WWOX: variants seen among roughly 807,000 people sequenced by gnomAD.
The protein encoded by WWOX is WW domain containing oxidoreductase.
In WWOX, 69 loss-of-function variants were observed where a neutral mutation model predicts 46.2. That is an observed-to-expected ratio of 1.49 (90% CI 1.23 to 1.82). The LOEUF (loss-of-function observed/expected upper bound fraction) is 1.82. WWOX is among the 40% of genes most tolerant of loss of function. The pLI is 0.00. For synonymous variants in WWOX, 359 were observed against 202.6 expected (o/e 1.77, Z -6.56); for missense variants, 919 against 542.6 (o/e 1.69, Z -6.89).
chr16:78,949,118 G>A (rs1379456464), intron 8 of WWOX, among the ~76,000 whole-genome samples: 2 of 152,146 alleles, frequency 1.3e-5, no homozygotes, highest in African/African-American at 4.8e-5. Context: ...TTCTGCAACT[G>A]CATGGAGCTG....
intron 8 of WWOX, among the ~76,000 whole-genome samples, chr16:78,591,938 G>A (rs1181296489): frequency 1.3e-5 from 2 of 152,168 alleles, no homozygotes; most frequent in Admixed American, 1.3e-4. Context: ...GCGCTCAAGC[G>A]ACCATAACCA....
chr16:78,242,468 C>T (rs910799229), intron 5 of WWOX, among the ~76,000 whole-genome samples: 1 of 152,208 alleles, frequency 6.6e-6, no homozygotes, highest in African/African-American at 2.4e-5. Flanking sequence ...ATAATTCTCT[C>T]TCCACACATT....
intron 8 of WWOX, among the ~76,000 whole-genome samples, chr16:78,505,400 C>G (rs530997819): frequency 6.6e-6 from 1 of 152,166 alleles, no homozygotes; most frequent in South Asian, 2.1e-4. Context: ...GAGTGGGGCT[C>G]AGGACACTCT....
At position 78,821,021 on chromosome 16, in the gene WWOX, T is replaced by C. The variant is rs2051479127; in HGVS notation, c.1056+388269T>C. 2.0e-5 allele frequency among the ~76,000 whole-genome samples: 3 copies of C among 152,176 alleles called. No homozygotes were observed. In the South Asian group the frequency reaches 6.2e-4, roughly 32 times the overall value. On this transcript the variant is annotated intron_variant, in intron 8 of 8. Transcript: ENST00000566780. ...TTGAGTATGATCTCATCTCATTCCTTATCTTAATTACATTTGCAAAGACCC... is the reference window on the plus strand; with the variant it reads ...TTGAGTATGATCTCATCTCATTCCTCATCTTAATTACATTTGCAAAGACCC...
rs79280386 is a variant in WWOX, at chr16:78,936,352, C to G, written c.1057-275256C>G. 5.0e-3 allele frequency among the ~76,000 whole-genome samples: 754 copies of G among 152,256 alleles called. 9 individuals are homozygous for G. Among genetic ancestry groups the G allele is most frequent in the African/African-American group, 0.017 (700 of 41,548 alleles). On this transcript the variant is annotated intron_variant, in intron 8 of 8. Coordinates refer to ENST00000566780, the MANE Select transcript of WWOX (RefSeq NM_016373.4). ...TTCCCTGGACTTATCTGGAATGACTCTGAACCTTTTGAAGACCCCAAAACT... is the reference window on the plus strand; with the variant it reads ...TTCCCTGGACTTATCTGGAATGACTGTGAACCTTTTGAAGACCCCAAAACT...
At chr16:78,617,369 C>G (rs1318325321) in intron 8 of WWOX, among the ~76,000 whole-genome samples, 2 of 150,716 alleles carry the variant, frequency 1.3e-5, no homozygotes, top group East Asian at 3.9e-4. Context: ...ACCACTGCAC[C>G]CCAGCCTGGG....
chr16:78,835,626 T>C (rs1480786060), intron 8 of WWOX, among the ~76,000 whole-genome samples: 1 of 152,202 alleles, frequency 6.6e-6, no homozygotes, highest in East Asian at 1.9e-4. Flanking sequence ...GAATGTGTTT[T>C]ATAGAGTAGG....
intron 8 of WWOX, among the ~76,000 whole-genome samples, chr16:78,847,068 C>A (rs993480090): frequency 6.6e-6 from 1 of 152,176 alleles, no homozygotes; most frequent in African/African-American, 2.4e-5. Flanking sequence ...TGAGCACTTT[C>A]TTATTTTTTG....
chr16:79,097,633 A>C (rs147739403), intron 8 of WWOX, among the ~76,000 whole-genome samples: 2 of 152,072 alleles, frequency 1.3e-5, no homozygotes, highest in South Asian at 4.1e-4. Flanking sequence ...TCAACATCGT[A>C]CTCCAAAGGG....
At chr16:79,021,119 A>G (rs2047524071) in intron 8 of WWOX, among the ~76,000 whole-genome samples, 1 of 152,206 alleles carries the variant, frequency 6.6e-6, no homozygotes, top group Non-Finnish European at 1.5e-5. Context: ...CTTGGCCAGT[A>G]CAAGGCCATT....
At chr16:78,865,871 C>T (rs1347511037) in intron 8 of WWOX, among the ~76,000 whole-genome samples, 3 of 152,156 alleles carry the variant, frequency 2.0e-5, no homozygotes, top group Non-Finnish European at 4.4e-5. Context: ...GAGTGAAACT[C>T]CGTCTCAAAA....
chr16:78,763,466 G>A (rs1421971433), intron 8 of WWOX, among the ~76,000 whole-genome samples: 3 of 152,160 alleles, frequency 2.0e-5, no homozygotes, highest in African/African-American at 7.2e-5. Context: ...AAAAGACATT[G>A]GCTCTTTGGG....
chr16:78,987,866 G>C (rs1250260253), intron 8 of WWOX, among the ~76,000 whole-genome samples: 1 of 152,104 alleles, frequency 6.6e-6, no homozygotes, highest in Non-Finnish European at 1.5e-5. Context: ...CAGCCCTGTG[G>C]GCTTTGCTGC....
chr16:78,581,301 C>T (rs536782260), intron 8 of WWOX, among the ~76,000 whole-genome samples: 1 of 152,098 alleles, frequency 6.6e-6, no homozygotes, highest in African/African-American at 2.4e-5. Flanking sequence ...GGGCTGGAAG[C>T]CAACCTTTTC....
intron 5 of WWOX, among the ~76,000 whole-genome samples, chr16:78,318,912 C>G (rs1266524331): frequency 6.6e-6 from 1 of 152,122 alleles, no homozygotes; most frequent in Non-Finnish European, 1.5e-5. Context: ...AATAATGGCC[C>G]TTATTAGGAT....
chr16:78,452,780 A>G (rs995331133), intron 8 of WWOX, among the ~76,000 whole-genome samples: 3 of 151,100 alleles, frequency 2.0e-5, no homozygotes, highest in Admixed American at 1.3e-4. Flanking sequence ...CCTAGCCTTA[A>G]TAAATACGTA....
intron 8 of WWOX, among the ~76,000 whole-genome samples, chr16:78,888,419 T>A (rs891492489): frequency 7.2e-5 from 11 of 152,210 alleles, no homozygotes; most frequent in Non-Finnish European, 1.3e-4. Context: ...ACTCCTATTC[T>A]TTTTGTAGTT....
At chr16:79,177,570 T>A (rs978779155) in intron 8 of WWOX, among the ~76,000 whole-genome samples, 4 of 152,166 alleles carry the variant, frequency 2.6e-5, no homozygotes, top group African/African-American at 9.7e-5. Flanking sequence ...CCGGCTCTTT[T>A]ATTTGAAAAT....
At chr16:78,683,903 G>A (rs1229307305) in intron 8 of WWOX, among the ~76,000 whole-genome samples, 6 of 152,178 alleles carry the variant, frequency 3.9e-5, no homozygotes, top group African/African-American at 9.7e-5. Flanking sequence ...TAAGAAAAAG[G>A]TTTACTGTAA....
Sources: allele counts gnomAD v4.1 joint callset (sites outside exome capture counted in the v4.1 genomes callset), GRCh38; gene constraint gnomAD v4.1.1; transcripts MANE v1.5; gene names NCBI Gene and HGNC (gene_info 2026-07-23, HGNC 2026-07-21).